The following SBDS variants were observed in gnomAD, a reference collection of about 807,000 sequenced individuals.
SBDS encodes the protein SBDS ribosome maturation factor, also known as ribosome maturation protein SBDS.
SBDS carries 20 observed loss-of-function variants against 26.4 expected under a neutral mutation model. That is an observed-to-expected ratio of 0.76 (90% CI 0.53 to 1.10). SBDS has a LOEUF of 1.10. SBDS is among the 50% of genes least tolerant of loss of function. The probability of loss-of-function intolerance (pLI) is 0.00; values close to 1 mark genes in which losing one functional copy is unlikely to be tolerated. For missense variants in SBDS, 241 were observed against 302.0 expected, an observed-to-expected ratio of 0.80 and a Z score of 1.50; for synonymous variants, 95 against 105.1, an observed-to-expected ratio of 0.90 and a Z score of 0.59.
In SBDS at chr7:66,991,141, TCTAA is replaced by T. The variant is rs1455465417; in HGVS notation, c.616_619del (p.Leu206LysfsTer5). 2 of 1,612,360 alleles carry T rather than the reference TCTAA, an allele frequency of 1.2e-6. No homozygotes were observed. The highest frequency in any genetic ancestry group is 2.7e-5 in the African/African-American group (2 of 74,874). On this transcript the variant is annotated frameshift_variant, in exon 4 of 5. Transcript: ENST00000246868. LOFTEE classifies it high-confidence loss of function. ...AAGAAAATATTTGACTCTTACGATT[TCTAA>T]CTGTTGGCCATAATCTTCACTTTCT...
chr7:66,993,731 A>G lies in SBDS; in HGVS notation c.259-314T>C, dbSNP rs560563510. On this transcript the variant is annotated intron_variant, in intron 2 of 4. Coordinates refer to ENST00000246868, the MANE Select transcript of SBDS (RefSeq NM_016038.4). ...TCTACTAAAAATCCAAAAATTAGCC[A>G]GGCAGGGTGGTGGGCACCTGTAATC... 2.2e-3 allele frequency among the ~76,000 whole-genome samples: 337 copies of G among 152,090 alleles called. 1 individual carries two copies. Among genetic ancestry groups the G allele is most frequent in the Non-Finnish European group, 2.6e-3 (180 of 67,966 alleles).
Position 66,995,476 on chromosome 7 carries a change from T to C in SBDS, c.-59A>G, listed in dbSNP as rs930258806. On this transcript the variant is annotated 5_prime_UTR_variant, in exon 1 of 5. Coordinates refer to ENST00000246868, the MANE Select transcript of SBDS (RefSeq NM_016038.4). Reference sequence around the variant, plus strand: ...CAGGGCTGACCCGCGCCGTCCAGCCTGAAGGCCACCAGCGCCTCGCGGTAA... The same window carrying C: ...CAGGGCTGACCCGCGCCGTCCAGCCCGAAGGCCACCAGCGCCTCGCGGTAA... The C allele has an allele frequency of 6.2e-7, 1 of 1,610,198 alleles. No homozygotes were observed. The highest frequency in any genetic ancestry group is 8.5e-7 in the Non-Finnish European group (1 of 1,178,412).
chr7:66,990,174 C>T (rs1792945252), intron 4 of SBDS, among the ~76,000 whole-genome samples: 1 of 152,132 alleles, frequency 6.6e-6, no homozygotes, highest in African/African-American at 2.4e-5. Flanking sequence ...CATGTGCCAC[C>T]ACGCCAGACT....
intron 3 of SBDS, 42 bp downstream of exon 3, chr7:66,993,175 G>T (rs1379801779): frequency 1.3e-6 from 2 of 1,546,090 alleles, no homozygotes; most frequent in South Asian, 2.2e-5. Flanking sequence ...AGAGAAAACT[G>T]ATTTCCATGG....
intron 4 of SBDS, 71 bp downstream of exon 4, chr7:66,991,066 T>A: frequency 7.4e-7 from 1 of 1,352,084 alleles, no homozygotes; most frequent in Non-Finnish European, 1.0e-6. Context: ...ATCTAAATGT[T>A]TGCTACAAAT....
At chr7:66,988,624 G>A in intron 4 of SBDS, 125 bp from the exon 5 acceptor site, 1 of 1,163,080 alleles carries the variant, frequency 8.6e-7, no homozygotes, top group Non-Finnish European at 1.2e-6. Context: ...CAGTTCTATG[G>A]TGCAATAGAT....
intron 2 of SBDS, among the ~76,000 whole-genome samples, chr7:66,993,898 A>G (rs533276451): frequency 4.6e-5 from 7 of 151,890 alleles, no homozygotes; most frequent in East Asian, 1.9e-4. Flanking sequence ...AAAAAAAAGG[A>G]TCTGAAAGAT....
At chr7:66,993,882 ACCC>A (rs1357649252) in intron 2 of SBDS, among the ~76,000 whole-genome samples, 3 of 151,674 alleles carry the variant, frequency 2.0e-5, no homozygotes, top group Admixed American at 6.6e-5. Flanking sequence ...CTGTCCCCCC[ACCC>A]AAAAAAAAAA....
rs1472505462 is a variant in SBDS at position 66,988,283 on chromosome 7, G to A, written c.*88C>T. The A allele has an allele frequency of 7.9e-6, 11 of 1,391,598 alleles. No individual in the cohort carries two copies. The highest frequency in any genetic ancestry group is 7.1e-6 in the Non-Finnish European group (7 of 989,544). 86.2% of individuals were successfully genotyped at this position (1,391,598 alleles called of 1,614,324 possible). A position where few individuals can be genotyped will look rare whatever the true frequency, so the allele number is the denominator to read the frequency against. On this transcript the variant is annotated 3_prime_UTR_variant, in exon 5 of 5. Transcript: ENST00000246868. ...AGATAGAAAATGTCAAATAGTTTAA[G>A]CAAGTATTTGGCAGACCACAGACAT...
In SBDS at chr7:66,995,391, C is replaced by A. The variant is rs756327627; in HGVS notation, c.27G>T (p.Gln9His). 7 of 1,613,930 alleles carry A rather than the reference C, an allele frequency of 4.3e-6. No individual in the cohort carries two copies. Among genetic ancestry groups the A allele is most frequent in the Non-Finnish European group, 1.7e-6 (2 of 1,180,018 alleles). ...CCACGGCCACATTGGTTAGGCGGAT[C>A]TGGTTGGTGGGGGTGAAGATCGACA... is the stretch of plus-strand genomic sequence containing the variant. Reference protein sequence around the residue: MSIFTPTNQIRLTNVAVVR... With the variant: MSIFTPTNHIRLTNVAVVR... Residue 9 changes from glutamine to histidine, a missense_variant, in exon 1 of 5, where the codon CAG becomes CAT. Gln to His is a conservative substitution (Grantham distance 24). Coordinates refer to ENST00000246868, the MANE Select transcript of SBDS (RefSeq NM_016038.4).
chr7:66,995,184 G>C, intron 1 of SBDS, 106 bp downstream of exon 1: 1 of 1,514,742 alleles, frequency 6.6e-7, no homozygotes. Context: ...TTTCCTCCCC[G>C]GCCAACACCC....
rs1793097371 is a variant in SBDS, at chr7:66,995,583, G to C, written c.-166C>G. 6 of 985,406 alleles carry C rather than the reference G, an allele frequency of 6.1e-6. No homozygotes were observed. The South Asian group carries it at 9.3e-5, about 15-fold the overall frequency. The allele number at this position is 985,406 out of a possible 1,614,324, so 61.0% of individuals were successfully genotyped here. Reference sequence around the variant, plus strand: ...TAGCTTCAGGCAGCCGTCACAGTGTGTCTGGCAGGCTTACTTACTGCGCAG... The same window carrying C: ...TAGCTTCAGGCAGCCGTCACAGTGTCTCTGGCAGGCTTACTTACTGCGCAG... On this transcript the variant is annotated 5_prime_UTR_variant, in exon 1 of 5. Coordinates refer to ENST00000246868, the MANE Select transcript of SBDS (RefSeq NM_016038.4).
intron 2 of SBDS, 102 bp downstream of exon 2, chr7:66,994,110 T>A: frequency 8.9e-7 from 1 of 1,120,288 alleles, no homozygotes; most frequent in South Asian, 1.2e-5. Context: ...CATTATTGCT[T>A]GGTTAGTCTT....
intron 3 of SBDS, among the ~76,000 whole-genome samples, 163 bp from the exon 4 acceptor site, chr7:66,991,464 T>C (rs925317069): frequency 6.6e-6 from 1 of 152,014 alleles, no homozygotes; most frequent in Admixed American, 6.6e-5. Flanking sequence ...ATTGGACTTA[T>C]CAAGAAGAAA....
chr7:66,994,566 G>C (rs4308614), intron 1 of SBDS, among the ~76,000 whole-genome samples: 101,813 of 150,814 alleles, frequency 0.68, 34,857 homozygotes, highest in Non-Finnish European at 0.73. Flanking sequence ...GCGATCTCGG[G>C]TCACTGTAAC....
intron 2 of SBDS, among the ~76,000 whole-genome samples, 181 bp downstream of exon 2, chr7:66,994,031 A>AC (rs1443812012): frequency 1.3e-5 from 2 of 151,018 alleles, no homozygotes; most frequent in East Asian, 2.0e-4. Context: ...AAAAAAAAAA[A>AC]AAAAAAACCA....
At chr7:66,991,039 T>G in intron 4 of SBDS, 98 bp downstream of exon 4, 3 of 1,134,552 alleles carry the variant, frequency 2.6e-6, no homozygotes, top group Non-Finnish European at 3.8e-6. Context: ...GAAAAGAAAA[T>G]ATCTGACGTT....
intron 4 of SBDS, 28 bp from the exon 5 acceptor site, chr7:66,988,527 A>C (rs760573908): frequency 5.0e-6 from 8 of 1,611,496 alleles, no homozygotes; most frequent in Middle Eastern, 1.8e-4. Context: ...GCAGATTACC[A>C]CATGAGGATG....
chr7:66,990,277 C>T (rs1431552848), intron 4 of SBDS, among the ~76,000 whole-genome samples: 2 of 152,208 alleles, frequency 1.3e-5, no homozygotes, highest in African/African-American at 2.4e-5. Flanking sequence ...CTTGGCCTCC[C>T]AAAGTGCTGG....
Sources: gnomAD v4.1 joint callset for allele counts (sites outside exome capture counted in the v4.1 genomes callset) on GRCh38, gnomAD v4.1.1 for gene constraint, MANE v1.5 for transcripts, NCBI Gene and HGNC (gene_info 2026-07-23, HGNC 2026-07-21) for gene names.